Variants in EEFSEC observed in about 807,000 individuals in gnomAD.
The protein encoded by EEFSEC is eukaryotic elongation factor, selenocysteine-tRNA specific, also known as selenocysteine-specific elongation factor.
Under a neutral mutation model 42.1 loss-of-function variants are expected in EEFSEC, and 43 were observed. The observed-to-expected ratio is 1.02, with a 90% CI of 0.80 to 1.32. EEFSEC has a LOEUF of 1.32. Ranked by LOEUF, EEFSEC falls within the 40% of genes most tolerant of loss-of-function variation. EEFSEC has a pLI of 0.00. For synonymous variants in EEFSEC, 354 were observed against 339.1 expected (o/e 1.04, Z -0.48); for missense variants, 745 against 803.6 (o/e 0.93, Z 0.88).
intron 4 of EEFSEC, among the ~76,000 whole-genome samples, chr3:128,273,829 C>T (rs929624529): frequency 3.3e-5 from 5 of 152,188 alleles, no homozygotes; most frequent in African/African-American, 1.2e-4. Context: ...AGGGGACAGG[C>T]AGGAGTGGTG....
intron 4 of EEFSEC, among the ~76,000 whole-genome samples, chr3:128,272,017 C>A (rs533788421): frequency 6.6e-6 from 1 of 152,300 alleles, no homozygotes; most frequent in South Asian, 2.1e-4. Context: ...GACAGAAACC[C>A]AACTTCAATT....
chr3:128,302,960 A>G (rs973893762), intron 4 of EEFSEC, among the ~76,000 whole-genome samples: 2 of 152,122 alleles, frequency 1.3e-5, no homozygotes, highest in Non-Finnish European at 2.9e-5. Context: ...TTTTAGTGCC[A>G]TTGATGGACT....
intron 6 of EEFSEC, among the ~76,000 whole-genome samples, chr3:128,378,661 G>A (rs2067737518): frequency 6.6e-6 from 1 of 152,166 alleles, no homozygotes; most frequent in South Asian, 2.1e-4. Flanking sequence ...GCAAGTGTGG[G>A]AAAGCCAGTA....
At chr3:128,425,819 G>A in the EEFSEC span, among the ~76,000 whole-genome samples, 1 of 152,210 alleles carries the variant, frequency 6.6e-6, no homozygotes, top group Non-Finnish European at 1.5e-5. Flanking sequence ...CATGAATTAG[G>A]GCAATGCTAA....
At chr3:128,424,080 C>T in the EEFSEC span, among the ~76,000 whole-genome samples, 14 of 152,284 alleles carry the variant, frequency 9.2e-5, no homozygotes, top group Middle Eastern at 3.4e-3. Flanking sequence ...CGTGCACACA[C>T]GCACACTTCC....
chr3:128,287,332 G>A (rs1016753110), intron 4 of EEFSEC, among the ~76,000 whole-genome samples: 3 of 152,170 alleles, frequency 2.0e-5, no homozygotes, highest in Non-Finnish European at 4.4e-5. Flanking sequence ...GGGGAGGAAG[G>A]AATGAGATCA....
chr3:128,290,006 C>G (rs2066625893), intron 4 of EEFSEC, among the ~76,000 whole-genome samples: 1 of 152,212 alleles, frequency 6.6e-6, no homozygotes, highest in African/African-American at 2.4e-5. Context: ...ATAACACATA[C>G]TTAGATGATT....
rs201961790 is a variant in EEFSEC at position 128,246,840 on chromosome 3, C to G, written c.321C>G (p.Ala107=). 1.9e-6 allele frequency: 3 copies of G among 1,613,708 alleles called. No individual in the cohort carries two copies. In the Admixed American group the frequency reaches 5.0e-5, roughly 27 times the overall value. ...CCTTCTCTTCTCTTATTCCAGGGGC[C>G]CAGATCATTGATCTGATGATGCTGG... The part of the protein sequence containing the change: ...ASLIRTIIGG[A]QIIDLMMLVI... The change falls in exon 2 of 7, where the codon GCC becomes GCG. Residue 107 remains alanine (A), a synonymous_variant. Coordinates refer to ENST00000254730, the MANE Select transcript of EEFSEC (RefSeq NM_021937.5).
chr3:128,187,379 G>A (rs980564962), intron 1 of EEFSEC, among the ~76,000 whole-genome samples: 1 of 152,234 alleles, frequency 6.6e-6, no homozygotes, highest in African/African-American at 2.4e-5. Flanking sequence ...AGAGAAGGCT[G>A]GGAGCTGTTC....
At chr3:128,185,003 CCAGCTTGGGT>C (rs2065450170) in intron 1 of EEFSEC, among the ~76,000 whole-genome samples, 1 of 152,082 alleles carries the variant, frequency 6.6e-6, no homozygotes, top group African/African-American at 2.4e-5. Context: ...TCACTGCACT[CCAGCTTGGGT>C]AACGGAGCGA....
chr3:128,260,636 C>T (rs1173737388), intron 2 of EEFSEC, among the ~76,000 whole-genome samples: 1 of 152,240 alleles, frequency 6.6e-6, no homozygotes, highest in Non-Finnish European at 1.5e-5. Flanking sequence ...CAAACCCATT[C>T]TGCCCCTTTC....
chr3:128,191,252 G>A lies in EEFSEC; in HGVS notation c.316+37429G>A, dbSNP rs1248050343. 4.6e-5 allele frequency among the ~76,000 whole-genome samples: 7 copies of A among 151,822 alleles called. No individual in the cohort carries two copies. The South Asian group carries it at 8.3e-4, about 18-fold the overall frequency. The stretch of plus-strand genomic sequence containing the variant: ...GCCATATAAAGTTTCCTTTTTTGGG[G>A]GGCTATTTTTTATTTTTAAATTTAT... On this transcript the variant is annotated intron_variant, in intron 1 of 6. Transcript: ENST00000254730.
intron 3 of EEFSEC, 105 bp from the exon 4 acceptor site, chr3:128,264,512 G>A (rs1290203583): frequency 1.9e-5 from 26 of 1,339,614 alleles, no homozygotes; most frequent in Non-Finnish European, 2.7e-5. Flanking sequence ...AGTTCACCTT[G>A]GCAGCCTTGA....
chr3:128,187,806 G>T (rs936027874), intron 1 of EEFSEC, among the ~76,000 whole-genome samples: 1 of 152,236 alleles, frequency 6.6e-6, no homozygotes, highest in Non-Finnish European at 1.5e-5. Flanking sequence ...TGACATTTGT[G>T]TGGAGTCCTC....
At chr3:128,405,092 C>A (rs187888796) in intron 6 of EEFSEC, among the ~76,000 whole-genome samples, 45 of 151,836 alleles carry the variant, frequency 3.0e-4, no homozygotes, top group African/African-American at 1.0e-3. Context: ...TCTCGGCTCA[C>A]TGCAAGCTCC....
At chr3:128,313,015 T>C (rs901727791) in intron 4 of EEFSEC, among the ~76,000 whole-genome samples, 1 of 152,168 alleles carries the variant, frequency 6.6e-6, no homozygotes. Flanking sequence ...CTTGGTCAAG[T>C]CAAGTAGCCT....
intron 6 of EEFSEC, among the ~76,000 whole-genome samples, chr3:128,393,099 A>C (rs907203669): frequency 6.6e-6 from 1 of 152,212 alleles, no homozygotes; most frequent in Non-Finnish European, 1.5e-5. Flanking sequence ...AGGCTTCCAC[A>C]TACTTTGTTT....
intron 1 of EEFSEC, among the ~76,000 whole-genome samples, chr3:128,192,845 A>G (rs2065540779): frequency 6.6e-6 from 1 of 152,198 alleles, no homozygotes; most frequent in South Asian, 2.1e-4. Flanking sequence ...GGTAGTAGTA[A>G]TAATGTGTAA....
chr3:128,246,248 ACACG>A (rs890467604), intron 1 of EEFSEC, among the ~76,000 whole-genome samples: 2 of 151,958 alleles, frequency 1.3e-5, no homozygotes, highest in African/African-American at 4.8e-5. Context: ...ACACACACAC[ACACG>A]CACACAAATG....
Sources: gnomAD v4.1 joint callset for allele counts (sites outside exome capture counted in the v4.1 genomes callset) on GRCh38, gnomAD v4.1.1 for gene constraint, MANE v1.5 for transcripts, NCBI Gene and HGNC (gene_info 2026-07-23, HGNC 2026-07-21) for gene names.